The following ZFHX3 variants were observed in gnomAD, a reference collection of about 807,000 sequenced individuals.
ZFHX3 encodes the protein zinc finger homeobox protein 3.
Under a neutral mutation model 279.1 loss-of-function variants are expected in ZFHX3, and 42 were observed. That is an observed-to-expected ratio of 0.15 (90% CI 0.12 to 0.19). ZFHX3 has a LOEUF of 0.19. Among genes scored for constraint, ZFHX3 ranks in the 10% least tolerant of loss-of-function variants. The pLI, the probability that ZFHX3 is intolerant of heterozygous loss-of-function variation, is 1.00. For missense variants in ZFHX3, 4,981 were observed against 4,754.0 expected, an observed-to-expected ratio of 1.05 and a Z score of -1.40; for synonymous variants, 2,293 against 1,957.8, an observed-to-expected ratio of 1.17 and a Z score of -4.52.
intron 7 of ZFHX3, among the ~76,000 whole-genome samples, chr16:73,122,330 T>G (rs1966509104): frequency 6.6e-6 from 1 of 151,928 alleles, no homozygotes; most frequent in African/African-American, 2.4e-5. Flanking sequence ...TTCAGCCTCC[T>G]GAATAGCTGG....
intron 2 of ZFHX3, among the ~76,000 whole-genome samples, chr16:73,643,566 A>C (rs938649873): frequency 6.6e-6 from 1 of 152,256 alleles, no homozygotes; most frequent in Non-Finnish European, 1.5e-5. Context: ...CTCATGTTCC[A>C]TGAAGGTGAA....
chr16:73,516,256 A>C (rs1333033803), intron 2 of ZFHX3, among the ~76,000 whole-genome samples: 3 of 152,210 alleles, frequency 2.0e-5, no homozygotes, highest in Non-Finnish European at 2.9e-5. Flanking sequence ...TTAGAGCAGC[A>C]TGTTCTTTGT....
At chr16:72,929,574 A>G (rs1959677256) in intron 3 of ZFHX3, among the ~76,000 whole-genome samples, 1 of 152,220 alleles carries the variant, frequency 6.6e-6, no homozygotes, top group Admixed American at 6.5e-5. Flanking sequence ...CAGGATCTGC[A>G]TTCCTCAGCC....
intron 8 of ZFHX3, among the ~76,000 whole-genome samples, chr16:73,091,350 A>T (rs1346588049): frequency 6.6e-6 from 1 of 151,962 alleles, no homozygotes; most frequent in Non-Finnish European, 1.5e-5. Flanking sequence ...TCAACAAAGG[A>T]GTTGGCAATG....
intron 4 of ZFHX3, among the ~76,000 whole-genome samples, chr16:73,304,947 T>C (rs16971692): frequency 0.023 from 3,456 of 152,316 alleles, 117 homozygotes; most frequent in African/African-American, 0.078. Flanking sequence ...TGTCCTGCTA[T>C]GAATTTTTAT....
At chr16:73,078,706 G>T (rs574175357) in intron 8 of ZFHX3, among the ~76,000 whole-genome samples, 11 of 151,232 alleles carry the variant, frequency 7.3e-5, no homozygotes, top group Admixed American at 3.9e-4. Context: ...GTGCAGTGGC[G>T]CAATCTCCAC....
At chr16:72,945,770 CAGCCA>C (rs1960637270) in intron 3 of ZFHX3, among the ~76,000 whole-genome samples, 1 of 152,076 alleles carries the variant, frequency 6.6e-6, no homozygotes, top group African/African-American at 2.4e-5. Flanking sequence ...TTCAAACACA[CAGCCA>C]AGCTGGGAAG....
In ZFHX3 at chr16:73,343,254, G is replaced by A. The variant is rs557149793; in HGVS notation, c.-1290-24918C>T. 4.6e-5 allele frequency among the ~76,000 whole-genome samples: 7 copies of A among 151,994 alleles called. No individual in the cohort carries two copies. The South Asian group carries it at 1.0e-3, about 23-fold the overall frequency. On this transcript the variant is annotated intron_variant, in intron 3 of 17. Coordinates refer to the ZFHX3 transcript ENST00000641206. ...GTGTATGTATGCATATATACATTCT[G>A]TCCATTAAAAGAGTCTTGAATTAAT...
At chr16:73,580,135 T>C (rs2051844356) in intron 2 of ZFHX3, among the ~76,000 whole-genome samples, 1 of 151,696 alleles carries the variant, frequency 6.6e-6, no homozygotes, top group Non-Finnish European at 1.5e-5. Flanking sequence ...ATAGTGATCA[T>C]ATAATTTTAT....
intron 1 of ZFHX3, among the ~76,000 whole-genome samples, chr16:73,704,546 C>G (rs1475776426): frequency 6.6e-6 from 1 of 152,178 alleles, no homozygotes; most frequent in Non-Finnish European, 1.5e-5. Flanking sequence ...ACACTGCTAC[C>G]AATGGGCTCA....
intron 4 of ZFHX3, among the ~76,000 whole-genome samples, chr16:72,863,340 T>TA (rs66692129): frequency 0.045 from 2,932 of 64,616 alleles, 284 homozygotes; most frequent in East Asian, 0.32. Context: ...TCATCTCTAC[T>TA]AAAAAAAAAA....
At chr16:73,187,397 C>G (rs185405802) in intron 5 of ZFHX3, among the ~76,000 whole-genome samples, 1 of 151,036 alleles carries the variant, frequency 6.6e-6, no homozygotes, top group Non-Finnish European at 1.5e-5. Flanking sequence ...TACAGAGAAA[C>G]GTCAAGGACA....
At chr16:73,726,838 C>T (rs987790652) in intron 1 of ZFHX3, among the ~76,000 whole-genome samples, 2 of 152,202 alleles carry the variant, frequency 1.3e-5, no homozygotes, top group Non-Finnish European at 2.9e-5. Flanking sequence ...GATTACATGT[C>T]AACATGAGAT....
chr16:73,332,277 T>A (rs1323581149), intron 3 of ZFHX3, among the ~76,000 whole-genome samples: 4 of 151,988 alleles, frequency 2.6e-5, no homozygotes, highest in Non-Finnish European at 4.4e-5. Flanking sequence ...GAGAAAAAAA[T>A]TTATATAACG....
intron 5 of ZFHX3, among the ~76,000 whole-genome samples, chr16:72,820,948 G>A (rs1343469351): frequency 1.3e-5 from 2 of 152,050 alleles, no homozygotes; most frequent in Non-Finnish European, 2.9e-5. Context: ...ACAATAATTA[G>A]GTTAGTTAGG....
At chr16:73,599,378 C>T (rs570023773) in intron 2 of ZFHX3, among the ~76,000 whole-genome samples, 6 of 152,360 alleles carry the variant, frequency 3.9e-5, no homozygotes, top group African/African-American at 1.4e-4. Context: ...GGACCAGCTA[C>T]ATAATTTGCA....
intron 2 of ZFHX3, chr16:73,608,735 T>G (rs1032521718): frequency 2.0e-5 from 3 of 152,220 alleles, no homozygotes; most frequent in African/African-American, 7.2e-5. Flanking sequence ...AAAAGGATAC[T>G]GTATGTTTGT....
rs536785682 is a variant in ZFHX3, at chr16:73,762,582, C to T, written c.-1607-82342G>A. Reference sequence around the variant, plus strand: ...CAAAGACATGGAATCAACCCAAATACCCATGAATGACAGACTGGATAAAGA... The same window carrying T: ...CAAAGACATGGAATCAACCCAAATATCCATGAATGACAGACTGGATAAAGA... On this transcript the variant is annotated intron_variant, in intron 1 of 17. Transcript: ENST00000641206. 1.1e-4 allele frequency among the ~76,000 whole-genome samples: 16 copies of T among 152,244 alleles called. No individual in the cohort carries two copies. The East Asian group carries it at 1.2e-3, about 11-fold the overall frequency.
intron 4 of ZFHX3, among the ~76,000 whole-genome samples, chr16:73,274,803 A>G (rs1055250273): frequency 5.9e-5 from 9 of 152,200 alleles, no homozygotes; most frequent in African/African-American, 1.9e-4. Flanking sequence ...ATGCCACAGT[A>G]ATTACCAGTA....
Sources: gnomAD v4.1 joint callset for allele counts (sites outside exome capture counted in the v4.1 genomes callset) on GRCh38, gnomAD v4.1.1 for gene constraint, MANE v1.5 for transcripts, NCBI Gene and HGNC (gene_info 2026-07-23, HGNC 2026-07-21) for gene names.